Variants in INPP5D observed in about 807,000 individuals in gnomAD.
The protein encoded by INPP5D is inositol polyphosphate-5-phosphatase D, also known as phosphatidylinositol 3,4,5-trisphosphate 5-phosphatase 1.
Under a neutral mutation model 122.9 loss-of-function variants are expected in INPP5D, and 33 were observed. The ratio of observed to expected loss-of-function variants is 0.27; its 90% CI spans 0.20 to 0.36. The LOEUF is 0.36. INPP5D is among the 10% of genes least tolerant of loss of function. INPP5D has a pLI of 1.00. For synonymous variants in INPP5D, 584 were observed against 576.2 expected (o/e 1.01, Z -0.19); for missense variants, 1,053 against 1,412.7 (o/e 0.75, Z 4.08).
At position 233,170,923 on chromosome 2, in the gene INPP5D, AAG is replaced by A; in HGVS notation, c.1901-140_1901-139del. On this transcript the variant is annotated intron_variant, in intron 16 of 26. Transcript: ENST00000445964. This position sits in a 1 kb window ranked among gnomAD's most constrained non-coding sequence, Gnocchi z 4.5. Reference sequence around the variant, plus strand: ...TCCGTCTCAAAAAAAAAAAAAAAAAAAGCAGCAGCCTCTCCTCTTGGAGCCTT... The same window carrying A: ...TCCGTCTCAAAAAAAAAAAAAAAAAACAGCAGCCTCTCCTCTTGGAGCCTT... 1 of 1,071,330 alleles carries A rather than the reference AAG, an allele frequency of 9.3e-7. No individual in the cohort carries two copies. The allele number at this position is 1,071,330 out of a possible 1,614,324, so 66.4% of individuals were successfully genotyped here.
At chr2:233,130,944 C>T (rs1378421949) in intron 5 of INPP5D, 1 of 549,118 alleles carries the variant, frequency 1.8e-6, no homozygotes, top group Non-Finnish European at 3.4e-6. Context: ...CTCACTTGCA[C>T]AGGATCCAGC....
rs975380952 is a variant in INPP5D, at chr2:233,075,710, G to A, written c.135-3625G>A. Among the ~76,000 whole-genome samples the A allele has an allele frequency of 9.2e-5, 14 of 152,108 alleles. 1 individual carries two copies. Among genetic ancestry groups the A allele is most frequent in the Admixed American group, 6.6e-4 (10 of 15,264 alleles). On this transcript the variant is annotated intron_variant, in intron 1 of 26. Transcript: ENST00000445964. ...CGCTTGGCAGAGCCTCCACACCCGT[G>A]GAATACAGTTTGGTACTACTGCTCA... is the stretch of plus-strand genomic sequence containing the variant.
rs553166770 is a variant in INPP5D at position 233,174,965 on chromosome 2, G to A, written c.1990-2300G>A. ...TGTTTAGCCGGGCATGGTGGCTCAC[G>A]CCTATAATCCCAGAGCTTTGGGAGG... On this transcript the variant is annotated intron_variant, in intron 17 of 26. Coordinates refer to ENST00000445964, the MANE Select transcript of INPP5D (RefSeq NM_001017915.3). Among the ~76,000 whole-genome samples, 243 of 152,052 alleles carry A rather than the reference G, an allele frequency of 1.6e-3. 1 individual carries two copies. The highest frequency in any genetic ancestry group is 5.5e-3 in the African/African-American group (229 of 41,494).
In INPP5D at chr2:233,207,136, A is replaced by G. The variant is rs1486574036; in HGVS notation, c.*428A>G. 6.3e-6 allele frequency: 1 copy of G among 157,814 alleles called. No homozygotes were observed. Among genetic ancestry groups the G allele is most frequent in the Non-Finnish European group, 1.4e-5 (1 of 71,248 alleles). 9.8% of individuals were successfully genotyped at this position (157,814 alleles called of 1,614,324 possible). ...TAAGTGCTTTACGAACATTCGTCAT[A>G]TCAGGATGACCTCGAGAGCTGAGGC... On this transcript the variant is annotated 3_prime_UTR_variant, in exon 27 of 27. Coordinates refer to ENST00000445964, the MANE Select transcript of INPP5D (RefSeq NM_001017915.3). The surrounding 1 kb of genome is among the most constrained non-coding windows in gnomAD (Gnocchi z 4.6).
At chr2:233,112,894 G>A (rs979315935) in intron 2 of INPP5D, among the ~76,000 whole-genome samples, 1 of 152,126 alleles carries the variant, frequency 6.6e-6, no homozygotes, top group African/African-American at 2.4e-5. Context: ...GGGACCTCAG[G>A]TGATCCACTC....
intron 2 of INPP5D, among the ~76,000 whole-genome samples, chr2:233,102,605 T>C (rs1393122485): frequency 1.3e-5 from 2 of 152,014 alleles, no homozygotes; most frequent in Middle Eastern, 3.4e-3. Flanking sequence ...TCCCAGCACT[T>C]TGAGAGGCCG....
chr2:233,068,145 G>A (rs544992810), intron 1 of INPP5D, among the ~76,000 whole-genome samples: 53 of 152,170 alleles, frequency 3.5e-4, no homozygotes, highest in African/African-American at 1.2e-3. Context: ...ATTAGCCTGC[G>A]ATGGTGGCAT....
In INPP5D at chr2:233,204,564, G is replaced by A. The variant is rs748929850; in HGVS notation, c.3414G>A (p.Thr1138=). Reference sequence around the variant, plus strand: ...ACCAGCAGACCCCGCCCACCCCGACGCCGCGGCCGCCGCTGCCAGTCAAGA... The same window carrying A: ...ACCAGCAGACCCCGCCCACCCCGACACCGCGGCCGCCGCTGCCAGTCAAGA... The part of the protein sequence containing the change: ...EINQQTPPTP[T]PRPPLPVKSP... Residue 1138 remains threonine (T), a synonymous_variant, in exon 26 of 27, where the codon ACG becomes ACA. Coordinates refer to ENST00000445964, the MANE Select transcript of INPP5D (RefSeq NM_001017915.3). The A allele has an allele frequency of 1.7e-5, 26 of 1,565,414 alleles. No homozygotes were observed. The highest frequency in any genetic ancestry group is 2.1e-5 in the Non-Finnish European group (24 of 1,156,582).
At chr2:233,147,035 A>C (rs1693780366) in intron 8 of INPP5D, among the ~76,000 whole-genome samples, 1 of 152,158 alleles carries the variant, frequency 6.6e-6, no homozygotes, top group Non-Finnish European at 1.5e-5. Flanking sequence ...GAGCATGCCT[A>C]CGCAACTGTT....
intron 2 of INPP5D, among the ~76,000 whole-genome samples, chr2:233,091,714 A>G (rs57905758): frequency 0.092 from 14,017 of 152,224 alleles, 1,006 homozygotes; most frequent in African/African-American, 0.19. Context: ...CCCTCAGGCC[A>G]TGGTACATAA....
At position 233,188,709 on chromosome 2, in the gene INPP5D, GC is replaced by G. The variant is rs1489461697; in HGVS notation, c.2359-1137del. Among the ~76,000 whole-genome samples, 1 of 152,158 alleles carries G rather than the reference GC, an allele frequency of 6.6e-6. No individual in the cohort carries two copies. Among genetic ancestry groups the G allele is most frequent in the African/African-American group, 2.4e-5 (1 of 41,438 alleles). On this transcript the variant is annotated intron_variant, in intron 21 of 26. Coordinates refer to ENST00000445964, the MANE Select transcript of INPP5D (RefSeq NM_001017915.3). The surrounding 1 kb of genome is among the most constrained non-coding windows in gnomAD (Gnocchi z 4.7). ...CCCGAGTACCTGGGACGACAGGCAC[GC>G]CCCATCAAGCCTCGCTAATTTCTGT... is the stretch of plus-strand genomic sequence containing the variant.
chr2:233,137,847 AAAAAAAATATAT>A (rs1693511464), intron 5 of INPP5D, among the ~76,000 whole-genome samples: 2 of 15,916 alleles, frequency 1.3e-4, no homozygotes, highest in African/African-American at 1.7e-4. Flanking sequence ...AAAAAAAAAA[AAAAAAAATATAT>A]ATATATATAT....
intron 2 of INPP5D, among the ~76,000 whole-genome samples, chr2:233,087,082 A>T (rs763271971): frequency 9.9e-5 from 15 of 152,138 alleles, no homozygotes; most frequent in Non-Finnish European, 2.1e-4. Context: ...TTATTGCAGG[A>T]TGGTTTCGCT....
intron 25 of INPP5D, among the ~76,000 whole-genome samples, chr2:233,202,089 G>C (rs766496466): frequency 1.3e-5 from 2 of 151,862 alleles, no homozygotes; most frequent in Non-Finnish European, 2.9e-5. Flanking sequence ...AGAGGAGTGA[G>C]CTTTAGAATC....
intron 6 of INPP5D, among the ~76,000 whole-genome samples, chr2:233,145,726 G>A (rs994868905): frequency 2.0e-5 from 3 of 152,074 alleles, no homozygotes; most frequent in African/African-American, 2.4e-5. Flanking sequence ...ATAGGACCTC[G>A]GAGGGCAGGG....
At chr2:233,070,736 C>T (rs6759488) in intron 1 of INPP5D, among the ~76,000 whole-genome samples, 33,661 of 151,948 alleles carry the variant, frequency 0.22, 4,677 homozygotes, top group African/African-American at 0.38. Flanking sequence ...CCACCGCGCC[C>T]GGCCAGGATC....
intron 22 of INPP5D, among the ~76,000 whole-genome samples, chr2:233,191,643 G>A (rs540775967): frequency 1.3e-5 from 2 of 152,134 alleles, no homozygotes; most frequent in Non-Finnish European, 2.9e-5. Flanking sequence ...CAAAGACCAA[G>A]CGTCTCTTAG....
chr2:233,121,131 T>TTC (rs1559302968), intron 2 of INPP5D, among the ~76,000 whole-genome samples: 4 of 141,724 alleles, frequency 2.8e-5, no homozygotes, highest in Non-Finnish European at 3.1e-5. Flanking sequence ...CTTTTTTTTT[T>TTC]TTCTTTTTTT....
chr2:233,095,403 T>C, intron 2 of INPP5D, among the ~76,000 whole-genome samples: 1 of 152,164 alleles, frequency 6.6e-6, no homozygotes, highest in Non-Finnish European at 1.5e-5. Context: ...GTGGATCACC[T>C]GAGCTCAGGA....
Sources: allele counts gnomAD v4.1 joint callset (sites outside exome capture counted in the v4.1 genomes callset), GRCh38; gene constraint gnomAD v4.1.1; non-coding constraint Gnocchi (gnomAD v3.1); transcripts MANE v1.5; gene names NCBI Gene and HGNC (gene_info 2026-07-23, HGNC 2026-07-21).